KCNIP4: variants seen among roughly 807,000 people sequenced by gnomAD.
KCNIP4 encodes the protein potassium voltage-gated channel interacting protein 4, also known as Kv channel-interacting protein 4.
KCNIP4 carries 12 observed loss-of-function variants against 34.0 expected under a neutral mutation model. That is an observed-to-expected ratio of 0.35 (90% CI 0.23 to 0.57). KCNIP4 has a LOEUF of 0.57. Among genes scored for constraint, KCNIP4 ranks in the 20% least tolerant of loss-of-function variants. The pLI is 0.83. For synonymous variants in KCNIP4, 124 were observed against 102.2 expected, an observed-to-expected ratio of 1.21 and a Z score of -1.29; for missense variants, 238 against 311.7, an observed-to-expected ratio of 0.76 and a Z score of 1.78.
chr4:21,591,710 G>A (rs1742238218), intron 1 of KCNIP4, among the ~76,000 whole-genome samples: 2 of 152,000 alleles, frequency 1.3e-5, no homozygotes, highest in African/African-American at 2.4e-5. Context: ...ATATTTGTAT[G>A]AGAGTCTTGA....
At chr4:21,665,347 C>A (rs917522343) in intron 1 of KCNIP4, among the ~76,000 whole-genome samples, 4 of 151,950 alleles carry the variant, frequency 2.6e-5, no homozygotes, top group African/African-American at 9.7e-5. Flanking sequence ...GGCAGAGAAG[C>A]CTTAGAAGAC....
intron 1 of KCNIP4, among the ~76,000 whole-genome samples, chr4:20,975,152 C>T (rs1735355780): frequency 6.6e-6 from 1 of 152,194 alleles, no homozygotes; most frequent in East Asian, 1.9e-4. Flanking sequence ...GTCTGTCTCA[C>T]TTCAAAGACC....
intron 1 of KCNIP4, among the ~76,000 whole-genome samples, chr4:21,149,379 CT>C (rs1752603320): frequency 1.3e-5 from 2 of 152,062 alleles, no homozygotes. Flanking sequence ...CATCTTGTGG[CT>C]CCTGGAAAAT....
chr4:21,718,463 GTTTTT>G (rs1409711885), intron 1 of KCNIP4: 1 of 148,048 alleles, frequency 6.8e-6, no homozygotes, highest in South Asian at 2.1e-4. Context: ...TTTGTTTTTT[GTTTTT>G]TTTTCAAGTT....
intron 1 of KCNIP4, among the ~76,000 whole-genome samples, chr4:21,439,633 T>A (rs1352877906): frequency 6.6e-6 from 1 of 152,268 alleles, no homozygotes; most frequent in East Asian, 1.9e-4. Flanking sequence ...TGCTTCCTGA[T>A]CAATGGGACT....
intron 1 of KCNIP4, among the ~76,000 whole-genome samples, chr4:21,358,494 A>C (rs1718891277): frequency 6.6e-6 from 1 of 152,144 alleles, no homozygotes; most frequent in Non-Finnish European, 1.5e-5. Flanking sequence ...TACATAGCTC[A>C]AACAAGACCA....
chr4:21,892,418 G>GTGGTGCTCATTTTTGTGGTGCTCATTA (rs1727150352), intron 1 of KCNIP4, among the ~76,000 whole-genome samples: 1 of 151,750 alleles, frequency 6.6e-6, no homozygotes, highest in African/African-American at 2.4e-5. Flanking sequence ...AGAACAATAG[G>GTGGTGCTCATTTTTGTGGTGCTCATTA]GAAGTTTTTG....
At chr4:21,709,950 A>G (rs1418304008) in intron 1 of KCNIP4, among the ~76,000 whole-genome samples, 1 of 152,224 alleles carries the variant, frequency 6.6e-6, no homozygotes, top group Non-Finnish European at 1.5e-5. Context: ...CTGACATCAT[A>G]TAATGATAAC....
intron 1 of KCNIP4, among the ~76,000 whole-genome samples, chr4:21,534,425 T>A (rs1736985425): frequency 6.6e-6 from 1 of 152,124 alleles, no homozygotes; most frequent in Non-Finnish European, 1.5e-5. Flanking sequence ...TTTAATGGGA[T>A]TTTGATGAAT....
intron 1 of KCNIP4, among the ~76,000 whole-genome samples, chr4:20,983,007 G>A (rs889660662): frequency 3.3e-5 from 5 of 152,110 alleles, no homozygotes; most frequent in African/African-American, 9.7e-5. Flanking sequence ...ATGATTCAAA[G>A]GCTATTATTT....
chr4:21,329,718 G>T (rs1448058449), intron 1 of KCNIP4, among the ~76,000 whole-genome samples: 1 of 152,088 alleles, frequency 6.6e-6, no homozygotes, highest in African/African-American at 2.4e-5. Context: ...AGTTTCCCAG[G>T]CCAAAAAGAA....
intron 1 of KCNIP4, among the ~76,000 whole-genome samples, chr4:21,084,834 G>A (rs1330660534): frequency 6.6e-6 from 1 of 151,112 alleles, no homozygotes; most frequent in Non-Finnish European, 1.5e-5. Flanking sequence ...TTTTCTTGAA[G>A]CCTTATCCAA....
chr4:21,199,974 A>G (rs1458348748), intron 1 of KCNIP4, among the ~76,000 whole-genome samples: 2 of 151,890 alleles, frequency 1.3e-5, no homozygotes, highest in African/African-American at 2.4e-5. Context: ...TCTCACTCAT[A>G]GGTGGGAATT....
At chr4:20,974,321 C>T (rs1041875056) in intron 1 of KCNIP4, among the ~76,000 whole-genome samples, 1 of 152,072 alleles carries the variant, frequency 6.6e-6, no homozygotes, top group Non-Finnish European at 1.5e-5. Flanking sequence ...AGGGACAGTG[C>T]ATCAGGATTC....
chr4:21,276,599 C>T (rs1419296051), intron 1 of KCNIP4, among the ~76,000 whole-genome samples: 1 of 152,092 alleles, frequency 6.6e-6, no homozygotes, highest in African/African-American at 2.4e-5. Flanking sequence ...CAACTTGACC[C>T]TGGTCTATGT....
chr4:21,889,433 G>A (rs1726964254), intron 1 of KCNIP4, among the ~76,000 whole-genome samples: 1 of 151,920 alleles, frequency 6.6e-6, no homozygotes, highest in South Asian at 2.1e-4. Flanking sequence ...TTGGATAAGG[G>A]ATATTAAACC....
chr4:20,770,823 T>C (rs1221224156), intron 3 of KCNIP4, among the ~76,000 whole-genome samples: 1 of 152,026 alleles, frequency 6.6e-6, no homozygotes. Flanking sequence ...TAGTCCTGGC[T>C]ACTCCGGAGG....
chr4:20,737,213 C>T (rs1403807810), intron 5 of KCNIP4, among the ~76,000 whole-genome samples: 1 of 152,124 alleles, frequency 6.6e-6, no homozygotes, highest in African/African-American at 2.4e-5. Context: ...AGAGGAGAAG[C>T]TGGCAAAGCA....
intron 1 of KCNIP4, among the ~76,000 whole-genome samples, chr4:21,362,831 G>A (rs949458390): frequency 9.9e-5 from 15 of 152,050 alleles, no homozygotes; most frequent in Admixed American, 1.3e-4. Flanking sequence ...CCCTTATCCC[G>A]CCGTTTATAT....
Sources: allele counts gnomAD v4.1 joint callset (sites outside exome capture counted in the v4.1 genomes callset), GRCh38; gene constraint gnomAD v4.1.1; transcripts MANE v1.5; gene names NCBI Gene and HGNC (gene_info 2026-07-23, HGNC 2026-07-21).